The following FANCB variants were observed in gnomAD, a reference collection of about 807,000 sequenced individuals.
FANCB encodes the protein Fanconi anemia group B protein.
Under a neutral mutation model 38.9 loss-of-function variants are expected in FANCB, and 5 were observed. The observed-to-expected ratio is 0.13, with a 90% CI of 0.07 to 0.27. The LOEUF (loss-of-function observed/expected upper bound fraction) is 0.27, where lower values mean the gene tolerates loss of function less well. FANCB is among the 10% of genes least tolerant of loss of function. The probability of loss-of-function intolerance (pLI) is 1.00; values close to 1 mark genes in which losing one functional copy is unlikely to be tolerated. For missense variants in FANCB, 573 were observed against 602.7 expected (o/e 0.95, Z 0.52); for synonymous variants, 236 against 215.4 (o/e 1.10, Z -0.84).
At chrX:14,739,747 A>C in the FANCB span, among the ~76,000 whole-genome samples, 1 of 111,963 alleles carries the variant, frequency 8.9e-6, no homozygotes, top group Non-Finnish European at 1.9e-5. Context: ...TTTGTTACAC[A>C]TGCTCCCACA....
At chrX:14,817,594 G>A in the FANCB span, among the ~76,000 whole-genome samples, 4 of 111,621 alleles carry the variant, frequency 3.6e-5, no homozygotes, top group African/African-American at 1.3e-4. Context: ...TGGAGAGTAA[G>A]CAGCCATAAA....
the FANCB span, among the ~76,000 whole-genome samples, chrX:14,788,213 A>G: frequency 9.1e-6 from 1 of 109,908 alleles, no homozygotes; most frequent in African/African-American, 3.3e-5. Flanking sequence ...GATTTAATGC[A>G]GAGAATTGAA....
chrX:14,818,510 T>C, the FANCB span, among the ~76,000 whole-genome samples: 1 of 109,725 alleles, frequency 9.1e-6, no homozygotes, highest in South Asian at 3.9e-4. Flanking sequence ...GAGTTACTTA[T>C]GAAGATTGGG....
the FANCB span, among the ~76,000 whole-genome samples, chrX:14,768,253 T>C: frequency 8.9e-6 from 1 of 112,216 alleles, no homozygotes; most frequent in Non-Finnish European, 1.9e-5. Context: ...CTTTGGGCAG[T>C]ATAGCCATTT....
chrX:14,810,033 G>A, the FANCB span, among the ~76,000 whole-genome samples: 3 of 112,007 alleles, frequency 2.7e-5, no homozygotes, highest in Admixed American at 9.4e-5. Context: ...TGCAGCCACC[G>A]CTGCTGATAC....
At chrX:14,693,436 T>C in the FANCB span, among the ~76,000 whole-genome samples, 2 of 111,559 alleles carry the variant, frequency 1.8e-5, no homozygotes, top group Non-Finnish European at 3.8e-5. Flanking sequence ...ACTATAGATA[T>C]GTCTACAACG....
the FANCB span, among the ~76,000 whole-genome samples, chrX:14,744,220 TAAC>T: frequency 6.6e-3 from 737 of 111,924 alleles, 4 homozygotes; most frequent in African/African-American, 0.023. Context: ...TTTCTGCCTC[TAAC>T]AACTGTGAGC....
At chrX:14,814,019 T>C in the FANCB span, among the ~76,000 whole-genome samples, 1 of 110,870 alleles carries the variant, frequency 9.0e-6, no homozygotes, top group African/African-American at 3.3e-5. Flanking sequence ...AGAAATAACA[T>C]CACACATCTA....
downstream of FANCB, among the ~76,000 whole-genome samples, chrX:14,839,743 T>C (rs2092349937): frequency 8.9e-6 from 1 of 111,907 alleles, no homozygotes; most frequent in African/African-American, 3.3e-5. Context: ...ATAAACTGTT[T>C]CTATCCTGGG....
chrX:14,705,017 A>C, the FANCB span, among the ~76,000 whole-genome samples: 1 of 112,436 alleles, frequency 8.9e-6, no homozygotes, highest in African/African-American at 3.2e-5. Context: ...CTCAAGAAAG[A>C]AGCAGCATTT....
the FANCB span, among the ~76,000 whole-genome samples, chrX:14,751,039 G>A: frequency 1.8e-5 from 2 of 111,671 alleles, no homozygotes; most frequent in Non-Finnish European, 3.8e-5. Flanking sequence ...TTACTGTAAT[G>A]ACATGGCAAG....
the FANCB span, among the ~76,000 whole-genome samples, chrX:14,750,807 G>C: frequency 1.7e-3 from 181 of 109,214 alleles, no homozygotes; most frequent in Non-Finnish European, 2.6e-3. Flanking sequence ...GAAAGCTGCT[G>C]ACATTTATCC....
the FANCB span, among the ~76,000 whole-genome samples, chrX:14,772,882 T>C: frequency 2.7e-5 from 3 of 111,240 alleles, no homozygotes; most frequent in Admixed American, 9.5e-5. Flanking sequence ...CCAGGCAGAG[T>C]CACACAATCA....
chrX:14,764,146 G>A, the FANCB span, among the ~76,000 whole-genome samples: 1 of 111,641 alleles, frequency 9.0e-6, no homozygotes, highest in Non-Finnish European at 1.9e-5. Flanking sequence ...CCTCTGTTTT[G>A]GGGTCTCCCA....
intron 1 of FANCB, among the ~76,000 whole-genome samples, chrX:14,870,670 C>T (rs2092491995): frequency 9.0e-6 from 1 of 111,327 alleles, no homozygotes; most frequent in African/African-American, 3.3e-5. Context: ...AATTATCATC[C>T]TCATCTACTC....
At chrX:14,733,832 T>C in the FANCB span, among the ~76,000 whole-genome samples, 1 of 112,025 alleles carries the variant, frequency 8.9e-6, no homozygotes, top group African/African-American at 3.2e-5. Flanking sequence ...TTTGACTTCC[T>C]CTCTTCCTGT....
chrX:14,834,235 CTAT>C (rs1324969829), downstream of FANCB, among the ~76,000 whole-genome samples: 1 of 111,346 alleles, frequency 9.0e-6, no homozygotes, highest in Non-Finnish European at 1.9e-5. Context: ...ACCGCTACTA[CTAT>C]GTCATATCAT....
chrX:14,816,150 C>T, the FANCB span, among the ~76,000 whole-genome samples: 1 of 111,273 alleles, frequency 9.0e-6, no homozygotes, highest in African/African-American at 3.3e-5. Flanking sequence ...CATTTGTATC[C>T]TCTAAATTTA....
the FANCB span, among the ~76,000 whole-genome samples, chrX:14,711,447 C>T: frequency 1.8e-5 from 2 of 111,885 alleles, no homozygotes; most frequent in Non-Finnish European, 3.8e-5. Flanking sequence ...AGAGCTGAGG[C>T]GGTGTGGGCC....
Sources: allele counts gnomAD v4.1 joint callset (sites outside exome capture counted in the v4.1 genomes callset), GRCh38; gene constraint gnomAD v4.1.1; transcripts MANE v1.5; gene names NCBI Gene and HGNC (gene_info 2026-07-23, HGNC 2026-07-21).